Variants in GLCCI1 observed in about 807,000 individuals in gnomAD.
The protein encoded by GLCCI1 is glucocorticoid induced 1.
A neutral mutation model predicts 52.2 loss-of-function variants in GLCCI1; 24 were observed. That is an observed-to-expected ratio of 0.46 (90% CI 0.33 to 0.65). GLCCI1 has a LOEUF of 0.65. Ranked by LOEUF, GLCCI1 falls within the 30% of genes least tolerant of loss-of-function variation. The pLI is 0.02. For synonymous variants in GLCCI1, 310 were observed against 276.5 expected (o/e 1.12, Z -1.20); for missense variants, 704 against 701.5 (o/e 1.00, Z -0.04).
At chr7:8,044,481 A>G (rs1009009868) in intron 3 of GLCCI1, among the ~76,000 whole-genome samples, 1 of 148,852 alleles carries the variant, frequency 6.7e-6, no homozygotes, top group African/African-American at 2.5e-5. Flanking sequence ...TGATCCTTCT[A>G]CCTCTCAGTG....
intron 2 of GLCCI1, among the ~76,000 whole-genome samples, chr7:8,013,461 G>T (rs1026613918): frequency 1.3e-5 from 2 of 152,020 alleles, no homozygotes; most frequent in Admixed American, 6.5e-5. Context: ...AATACTGAAT[G>T]ATTTTAATTT....
chr7:8,019,934 A>G (rs976247081), intron 2 of GLCCI1, among the ~76,000 whole-genome samples: 3 of 152,164 alleles, frequency 2.0e-5, no homozygotes, highest in African/African-American at 7.2e-5. Flanking sequence ...ATTACCGTAA[A>G]CTACTGTAGA....
At chr7:7,973,109 C>G (rs945831825) in intron 1 of GLCCI1, among the ~76,000 whole-genome samples, 6 of 152,070 alleles carry the variant, frequency 3.9e-5, no homozygotes, top group African/African-American at 1.2e-4. Context: ...AATCCTCAGG[C>G]TCCCTGTGAT....
chr7:7,989,337 G>A (rs1420503920), intron 1 of GLCCI1, among the ~76,000 whole-genome samples: 1 of 152,036 alleles, frequency 6.6e-6, no homozygotes, highest in East Asian at 1.9e-4. Flanking sequence ...GTTAATTTGT[G>A]TTGGCAGTGC....
chr7:8,011,082 A>G (rs1225810539), intron 2 of GLCCI1, among the ~76,000 whole-genome samples: 2 of 152,008 alleles, frequency 1.3e-5, no homozygotes, highest in African/African-American at 4.8e-5. Flanking sequence ...TCATGTGACT[A>G]CATTCCAGCC....
intron 1 of GLCCI1, among the ~76,000 whole-genome samples, chr7:7,971,135 G>A (rs1780345889): frequency 6.6e-6 from 1 of 152,166 alleles, no homozygotes. Flanking sequence ...TACATGAGCA[G>A]CAAGAAATAC....
In GLCCI1 at chr7:8,086,256, C is replaced by T. The variant is rs960199685; in HGVS notation, c.1362C>T (p.Ile454=). 1 of 1,614,044 alleles carries T rather than the reference C, an allele frequency of 6.2e-7. No homozygotes were observed. The highest frequency in any genetic ancestry group is 8.5e-7 in the Non-Finnish European group (1 of 1,180,030). The change falls in exon 8 of 8, where the codon ATC becomes ATT. Residue 454 remains isoleucine, a synonymous_variant. Transcript: ENST00000223145. This position sits in a 1 kb window ranked among gnomAD's most constrained non-coding sequence, Gnocchi z 4.4. Reference sequence around the variant, plus strand: ...CTGACAAAAACAAGGTTAATTTCATCCCAACCGGATCAGCTTTCTGTCCTG... The same window carrying T: ...CTGACAAAAACAAGGTTAATTTCATTCCAACCGGATCAGCTTTCTGTCCTG... The part of the protein sequence containing the change: ...SCPDKNKVNF[I]PTGSAFCPVK...
At chr7:8,014,345 C>G (rs1289583362) in intron 2 of GLCCI1, among the ~76,000 whole-genome samples, 1 of 152,148 alleles carries the variant, frequency 6.6e-6, no homozygotes. Context: ...AGTTTACTCA[C>G]TGGACAAGGT....
At chr7:8,078,190 C>T (rs1051805263) in intron 6 of GLCCI1, among the ~76,000 whole-genome samples, 4 of 122,864 alleles carry the variant, frequency 3.3e-5, no homozygotes, top group East Asian at 2.4e-4. Flanking sequence ...GCCTGGGCGA[C>T]AGTGCGAGAC....
rs1285671080 is a variant in GLCCI1 at position 7,987,248 on chromosome 7, GC to G, written c.458-16658del. Among the ~76,000 whole-genome samples the G allele has an allele frequency of 5.9e-5, 9 of 152,264 alleles. No individual in the cohort carries two copies. In the East Asian group the frequency reaches 1.3e-3, roughly 23 times the overall value. On this transcript the variant is annotated intron_variant, in intron 1 of 7. Transcript: ENST00000223145. ...TATTTTTCCTGTCAGGAATACTTGT[GC>G]CTCTAATATACATGATTTTTGCCTG... is the stretch of plus-strand genomic sequence containing the variant.
At chr7:7,997,626 T>A (rs1239769738) in intron 1 of GLCCI1, among the ~76,000 whole-genome samples, 2 of 151,936 alleles carry the variant, frequency 1.3e-5, no homozygotes, top group Non-Finnish European at 2.9e-5. Flanking sequence ...AAAATAAAGG[T>A]TTTATAAAGT....
At chr7:7,987,566 A>G (rs1268106784) in intron 1 of GLCCI1, among the ~76,000 whole-genome samples, 3 of 152,040 alleles carry the variant, frequency 2.0e-5, no homozygotes, top group African/African-American at 7.2e-5. Context: ...TTTACTACTT[A>G]GAGATCCTTT....
intron 1 of GLCCI1, among the ~76,000 whole-genome samples, chr7:7,985,510 C>G (rs754680531): frequency 6.7e-6 from 1 of 149,616 alleles, no homozygotes; most frequent in Non-Finnish European, 1.5e-5. Flanking sequence ...CAAACCTGCA[C>G]GTCCTGCACA....
chr7:7,999,604 C>T (rs1781013141), intron 1 of GLCCI1, among the ~76,000 whole-genome samples: 1 of 151,722 alleles, frequency 6.6e-6, no homozygotes, highest in African/African-American at 2.4e-5. Context: ...GAGCAATACC[C>T]TGTGTCTAAA....
intron 3 of GLCCI1, among the ~76,000 whole-genome samples, chr7:8,053,637 A>G (rs900226475): frequency 2.2e-4 from 34 of 151,618 alleles, no homozygotes; most frequent in African/African-American, 8.0e-4. Flanking sequence ...CTTATTCCCT[A>G]ACTAATGTTT....
intron 3 of GLCCI1, among the ~76,000 whole-genome samples, chr7:8,030,356 C>G (rs1781719046): frequency 6.6e-6 from 1 of 152,104 alleles, no homozygotes; most frequent in South Asian, 2.1e-4. Context: ...AGAAACCTGA[C>G]TCCTTTTTTT....
intron 5 of GLCCI1, among the ~76,000 whole-genome samples, chr7:8,069,490 A>G (rs1440632395): frequency 3.9e-5 from 6 of 152,090 alleles, no homozygotes; most frequent in African/African-American, 1.2e-4. Flanking sequence ...ATCCGTTGCT[A>G]CTGGGATGTT....
rs1234880240 is a variant in GLCCI1, at chr7:8,087,925, G to A, written c.*1387G>A. ...TGTGAAGAGAGCCCCAGGCATTCCT[G>A]ATTGGTCAATGGGAGAGCCTAACTT... is the stretch of plus-strand genomic sequence containing the variant. On this transcript the variant is annotated 3_prime_UTR_variant, in exon 8 of 8. Coordinates refer to ENST00000223145, the MANE Select transcript of GLCCI1 (RefSeq NM_138426.4). 6.6e-6 allele frequency: 1 copy of A among 152,616 alleles called. No individual in the cohort carries two copies. Among genetic ancestry groups the A allele is most frequent in the Non-Finnish European group, 1.5e-5 (1 of 68,044 alleles). 9.5% of individuals were successfully genotyped at this position (152,616 alleles called of 1,614,324 possible). A position where few individuals can be genotyped will look rare whatever the true frequency, so the allele number is the denominator to read the frequency against.
intron 1 of GLCCI1, chr7:7,981,525 A>T (rs1780620236): frequency 5.2e-6 from 1 of 191,874 alleles, no homozygotes; most frequent in African/African-American, 2.4e-5. Flanking sequence ...GTTTTGCCAT[A>T]TTGGCCAGGC....
Sources: gnomAD v4.1 joint callset for allele counts (sites outside exome capture counted in the v4.1 genomes callset) on GRCh38, gnomAD v4.1.1 for gene constraint, Gnocchi (gnomAD v3.1) non-coding constraint, MANE v1.5 for transcripts, NCBI Gene and HGNC (gene_info 2026-07-23, HGNC 2026-07-21) for gene names.